Variants in TAF7L observed in about 807,000 individuals in gnomAD.
TAF7L encodes the protein TATA-box binding protein associated factor 7 like, also known as transcription initiation factor TFIID subunit 7-like.
TAF7L carries 6 observed loss-of-function variants against 30.2 expected under a neutral mutation model. That is an observed-to-expected ratio of 0.20 (90% CI 0.11 to 0.39). TAF7L has a LOEUF of 0.39. Ranked by LOEUF, TAF7L falls within the 10% of genes least tolerant of loss-of-function variation. The pLI is 1.00. For missense variants in TAF7L, 284 were observed against 277.1 expected, an observed-to-expected ratio of 1.03 and a Z score of -0.18; for synonymous variants, 93 against 94.5, an observed-to-expected ratio of 0.98 and a Z score of 0.09.
intron 6 of TAF7L, among the ~76,000 whole-genome samples, chrX:101,281,467 A>C (rs1409287536): frequency 9.0e-6 from 1 of 111,727 alleles, no homozygotes; most frequent in East Asian, 2.8e-4. Context: ...AAGCATTAAC[A>C]GAAGTTTCAA....
intron 4 of TAF7L, 30 bp from the exon 5 acceptor site, chrX:101,282,483 T>C (rs1376645728): frequency 8.3e-7 from 1 of 1,207,695 alleles, no homozygotes; most frequent in Non-Finnish European, 1.1e-6. Context: ...AGAAGTTGAC[T>C]ATGACCACGA....
intron 7 of TAF7L, among the ~76,000 whole-genome samples, chrX:101,278,541 T>C (rs1924297678): frequency 8.9e-6 from 1 of 112,143 alleles, no homozygotes; most frequent in Non-Finnish European, 1.9e-5. Context: ...ATCTTTATTA[T>C]TAGAGACGTT....
In TAF7L at chrX:101,276,498, T is replaced by C; in HGVS notation, c.722A>G (p.Asp241Gly). ...ATCATCATCATTGTTACTTCTAGAA[T>C]CACTGAACATCTCCCGAAGCATATC... is the stretch of plus-strand genomic sequence containing the variant. ...EYDMLREMFS[D>G]SRSNNDDDED... Residue 241 changes from aspartate (D) to glycine (G), a missense_variant, in exon 10 of 13, where the codon GAT becomes GGT. Physicochemically the swap from Asp to Gly is moderately conservative, Grantham distance 94. Transcript: ENST00000356784. 8.3e-7 allele frequency: 1 copy of C among 1,210,419 alleles called. No individual in the cohort carries two copies. The highest frequency in any genetic ancestry group is 2.2e-5 in the Admixed American group (1 of 45,895).
chrX:101,271,640 T>C (rs1024364198), intron 12 of TAF7L, among the ~76,000 whole-genome samples: 3 of 111,951 alleles, frequency 2.7e-5, no homozygotes, highest in Non-Finnish European at 5.6e-5. Flanking sequence ...AGGACATTAC[T>C]ATGCACTACT....
chrX:101,282,953 G>A (rs1569511562), intron 4 of TAF7L, among the ~76,000 whole-genome samples: 1 of 110,471 alleles, frequency 9.1e-6, no homozygotes, highest in Non-Finnish European at 1.9e-5. Flanking sequence ...GTAGAGATGA[G>A]GTCTCACTAT....
chrX:101,272,770 G>A (rs1924010247), intron 12 of TAF7L, among the ~76,000 whole-genome samples: 1 of 111,278 alleles, frequency 9.0e-6, no homozygotes, highest in African/African-American at 3.3e-5. Context: ...AGTTTAAATG[G>A]GTGACTTGTC....
At chrX:101,275,531 C>T (rs10081821) in intron 11 of TAF7L, among the ~76,000 whole-genome samples, 36,849 of 108,518 alleles carry the variant, frequency 0.34, 4,702 homozygotes, top group Middle Eastern at 0.37. Flanking sequence ...CCAGGCCTGG[C>T]TAATTTTTGT....
intron 12 of TAF7L, among the ~76,000 whole-genome samples, chrX:101,272,999 C>T (rs774583793): frequency 1.9e-4 from 21 of 111,466 alleles, no homozygotes; most frequent in African/African-American, 6.5e-4. Context: ...GTCTCGAACT[C>T]CTGGGCTGAA....
intron 9 of TAF7L, among the ~76,000 whole-genome samples, 155 bp downstream of exon 9, chrX:101,277,451 C>CAAAAAAAAAAAAAAAAAAAAAA (rs368056727): frequency 7.4e-5 from 3 of 40,413 alleles, no homozygotes; most frequent in Admixed American, 3.8e-4. Flanking sequence ...GACTCCATCT[C>CAAAAAAAAAAAAAAAAAAAAAA]AAAAAAAAAA....
Position 101,279,052 on chromosome X carries a change from A to C in TAF7L, c.463-17T>G, listed in dbSNP as rs760096781. The C allele has an allele frequency of 1.2e-5, 14 of 1,173,235 alleles. No individual in the cohort carries two copies. The highest frequency in any genetic ancestry group is 1.6e-5 in the Non-Finnish European group (14 of 863,245). On this transcript the variant is annotated splice_polypyrimidine_tract_variant and intron_variant, in intron 6 of 12. Coordinates refer to ENST00000356784, the MANE Select transcript of TAF7L (RefSeq NM_001168474.2). ...ATCAGGGACCTATGAAATAAAACAC[A>C]ATAAACAAGTTATATTATGATACCT...
chrX:101,270,479 G>T (rs1176729039), intron 12 of TAF7L, among the ~76,000 whole-genome samples: 5 of 110,332 alleles, frequency 4.5e-5, no homozygotes, highest in Non-Finnish European at 3.8e-5. Context: ...CTATAGATAG[G>T]TTTTTCCTTA....
chrX:101,270,293 C>T (rs2147365132), intron 12 of TAF7L, among the ~76,000 whole-genome samples: 1 of 111,530 alleles, frequency 9.0e-6, no homozygotes, highest in African/African-American at 3.3e-5. Context: ...ATGAAAGGAA[C>T]ATTATAAAAC....
chrX:101,277,509 T>A, intron 9 of TAF7L, 97 bp downstream of exon 9: 1 of 410,916 alleles, frequency 2.4e-6, no homozygotes, highest in South Asian at 7.3e-5. Context: ...CTGGGTTTTT[T>A]TTTTTTTGGA....
intron 3 of TAF7L, among the ~76,000 whole-genome samples, chrX:101,283,935 G>A (rs188611036): frequency 5.8e-5 from 6 of 104,319 alleles, no homozygotes; most frequent in Admixed American, 2.1e-4. Flanking sequence ...GCATTCAATC[G>A]TGTCATTGTA....
intron 1 of TAF7L, among the ~76,000 whole-genome samples, chrX:101,288,120 T>C (rs1924670426): frequency 9.2e-6 from 1 of 109,275 alleles, no homozygotes; most frequent in South Asian, 3.9e-4. Context: ...TGAGCTACCC[T>C]GGGGAAAAGT....
In TAF7L at chrX:101,283,287, A is replaced by G. The variant is rs147322409; in HGVS notation, c.279+163T>C. Reference sequence around the variant, plus strand: ...CAATACTGAAAGCTAAGGATCAAACACCAAACGAGAACATGACATTTCATT... The same window carrying G: ...CAATACTGAAAGCTAAGGATCAAACGCCAAACGAGAACATGACATTTCATT... On this transcript the variant is annotated intron_variant, in intron 4 of 12. Coordinates refer to ENST00000356784, the MANE Select transcript of TAF7L (RefSeq NM_001168474.2). Among the ~76,000 whole-genome samples the G allele has an allele frequency of 7.0e-3, 789 of 112,032 alleles. 3 individuals are homozygous for G. The highest frequency in any genetic ancestry group is 0.069 in the Middle Eastern group (15 of 217).
At chrX:101,288,291 A>G (rs980896837) in intron 1 of TAF7L, among the ~76,000 whole-genome samples, 4 of 109,407 alleles carry the variant, frequency 3.7e-5, no homozygotes, top group Admixed American at 9.8e-5. Flanking sequence ...ACAGGCATGC[A>G]CCACCACACC....
intron 12 of TAF7L, among the ~76,000 whole-genome samples, chrX:101,274,867 AG>A (rs1368814860): frequency 1.8e-5 from 2 of 112,559 alleles, no homozygotes; most frequent in Non-Finnish European, 3.7e-5. Context: ...AATATGCTAT[AG>A]GAACTTAATT....
At chrX:101,277,872 G>C (rs1171589231) in intron 8 of TAF7L, among the ~76,000 whole-genome samples, 153 bp from the exon 9 acceptor site, 1 of 111,441 alleles carries the variant, frequency 9.0e-6, no homozygotes, top group Non-Finnish European at 1.9e-5. Context: ...GCCTCATATT[G>C]AATTACACAA....
Sources: gnomAD v4.1 joint callset for allele counts (sites outside exome capture counted in the v4.1 genomes callset) on GRCh38, gnomAD v4.1.1 for gene constraint, MANE v1.5 for transcripts, NCBI Gene and HGNC (gene_info 2026-07-23, HGNC 2026-07-21) for gene names.